Variants in MAGI2 observed in about 807,000 individuals in gnomAD.
MAGI2 encodes the protein membrane-associated guanylate kinase, WW and PDZ domain-containing protein 2.
A neutral mutation model predicts 133.3 loss-of-function variants in MAGI2; 35 were observed. The observed-to-expected ratio is 0.26, with a 90% confidence interval of 0.20 to 0.35. The LOEUF (loss-of-function observed/expected upper bound fraction) is 0.35, where lower values mean the gene tolerates loss of function less well. MAGI2 is among the 10% of genes least tolerant of loss of function. MAGI2 has a pLI of 1.00. For missense variants in MAGI2, 1,636 were observed against 1,863.4 expected (o/e 0.88, Z 2.25); for synonymous variants, 729 against 710.6 (o/e 1.03, Z -0.41).
intron 2 of MAGI2, among the ~76,000 whole-genome samples, chr7:78,868,371 A>C (rs1190113225): frequency 6.6e-6 from 1 of 152,232 alleles, no homozygotes; most frequent in East Asian, 1.9e-4. Context: ...GAGGGCAAGT[A>C]ATATCCCTAG....
intron 1 of MAGI2, among the ~76,000 whole-genome samples, chr7:79,329,400 A>C (rs1439104820): frequency 2.0e-5 from 3 of 152,274 alleles, no homozygotes; most frequent in Non-Finnish European, 2.9e-5. Context: ...ATAATTATTT[A>C]GCACATGACT....
chr7:78,728,432 G>C (rs1274644790), intron 2 of MAGI2, among the ~76,000 whole-genome samples: 1 of 151,666 alleles, frequency 6.6e-6, no homozygotes, highest in South Asian at 2.1e-4. Flanking sequence ...AATTCTAGCT[G>C]GGAATTCTAT....
chr7:78,701,509 A>AATTC (rs766732878), intron 2 of MAGI2, among the ~76,000 whole-genome samples: 4 of 151,990 alleles, frequency 2.6e-5, no homozygotes, highest in Non-Finnish European at 5.9e-5. Flanking sequence ...AGGGATACAT[A>AATTC]ATTCATGTTT....
intron 1 of MAGI2, among the ~76,000 whole-genome samples, chr7:79,229,875 T>C (rs1233563607): frequency 6.6e-6 from 1 of 151,506 alleles, no homozygotes; most frequent in African/African-American, 2.4e-5. Flanking sequence ...ACATGTGCCA[T>C]GCTGGTGCAG....
At chr7:79,052,506 G>C (rs1014750947) in intron 1 of MAGI2, among the ~76,000 whole-genome samples, 1 of 152,130 alleles carries the variant, frequency 6.6e-6, no homozygotes, top group Non-Finnish European at 1.5e-5. Flanking sequence ...AATGGCTCTG[G>C]GATGTTGGCA....
chr7:78,037,867 C>G (rs1294144100), intron 21 of MAGI2, among the ~76,000 whole-genome samples: 4 of 152,190 alleles, frequency 2.6e-5, no homozygotes, highest in African/African-American at 9.6e-5. Context: ...GTCCCCATTT[C>G]TTTCGTTCAG....
At chr7:78,056,557 T>G (rs1275225836) in intron 21 of MAGI2, among the ~76,000 whole-genome samples, 6 of 152,072 alleles carry the variant, frequency 3.9e-5, no homozygotes, top group African/African-American at 1.4e-4. Flanking sequence ...CTCAGCAAAC[T>G]GACACAGGTA....
chr7:78,126,818 C>T (rs1821034310), intron 19 of MAGI2, among the ~76,000 whole-genome samples: 1 of 152,206 alleles, frequency 6.6e-6, no homozygotes, highest in Non-Finnish European at 1.5e-5. Flanking sequence ...AATACCTCCA[C>T]TGCTAGCATC....
intron 2 of MAGI2, among the ~76,000 whole-genome samples, chr7:78,936,545 T>C (rs913865996): frequency 1.4e-4 from 22 of 152,056 alleles, no homozygotes; most frequent in African/African-American, 5.3e-4. Context: ...ATGCTTATGC[T>C]ATATATTTTG....
intron 1 of MAGI2, among the ~76,000 whole-genome samples, chr7:79,120,515 C>A (rs1318867080): frequency 6.6e-6 from 1 of 151,954 alleles, no homozygotes; most frequent in East Asian, 1.9e-4. Flanking sequence ...TAAACTAGTC[C>A]TTGTACTACA....
chr7:79,266,398 TTTGTTCCCAAA>T (rs1383098699), intron 1 of MAGI2, among the ~76,000 whole-genome samples: 3 of 152,046 alleles, frequency 2.0e-5, no homozygotes, highest in East Asian at 1.9e-4. Context: ...CACAGTGTCA[TTTGTTCCCAAA>T]TTACTTTATA....
chr7:78,515,654 A>C (rs549680314), intron 4 of MAGI2, among the ~76,000 whole-genome samples: 2 of 152,340 alleles, frequency 1.3e-5, no homozygotes, highest in East Asian at 3.9e-4. Context: ...GAATCCCAGC[A>C]CTTTGGGAGG....
chr7:78,750,973 C>T (rs1006411816), intron 2 of MAGI2, among the ~76,000 whole-genome samples: 1 of 151,912 alleles, frequency 6.6e-6, no homozygotes, highest in African/African-American at 2.4e-5. Context: ...GAGAGAAATC[C>T]TAAGAGTAAA....
At chr7:78,244,167 T>TAAAAA (rs535442682) in intron 10 of MAGI2, among the ~76,000 whole-genome samples, 1,088 of 68,814 alleles carry the variant, frequency 0.016, no homozygotes, top group Middle Eastern at 0.049. Flanking sequence ...CTATTTAAAT[T>TAAAAA]AAAAAAAAAA....
chr7:78,781,252 G>A (rs954557966), intron 2 of MAGI2, among the ~76,000 whole-genome samples: 1 of 151,812 alleles, frequency 6.6e-6, no homozygotes, highest in African/African-American at 2.4e-5. Flanking sequence ...GGTGGCGGGC[G>A]CCTGTAGTCC....
At chr7:78,572,927 C>T (rs993160530) in intron 3 of MAGI2, among the ~76,000 whole-genome samples, 38 of 149,212 alleles carry the variant, frequency 2.5e-4, no homozygotes, top group African/African-American at 8.1e-4. Flanking sequence ...CTCACGATTA[C>T]AGGCATGAGC....
intron 3 of MAGI2, among the ~76,000 whole-genome samples, chr7:78,602,754 C>T (rs914902817): frequency 1.3e-5 from 2 of 152,036 alleles, no homozygotes; most frequent in African/African-American, 4.8e-5. Flanking sequence ...GCTTTTAATG[C>T]TTATTATGAT....
At chr7:78,595,319 T>A (rs1804480889) in intron 3 of MAGI2, among the ~76,000 whole-genome samples, 2 of 152,232 alleles carry the variant, frequency 1.3e-5, no homozygotes, top group African/African-American at 4.8e-5. Context: ...TATTTAATTG[T>A]GCCTGAATTT....
chr7:79,286,255 T>C (rs1835990297), intron 1 of MAGI2, among the ~76,000 whole-genome samples: 2 of 152,092 alleles, frequency 1.3e-5, no homozygotes, highest in South Asian at 4.1e-4. Flanking sequence ...ATAAAGTCTT[T>C]AGTGTATGCC....
Sources: allele counts gnomAD v4.1 joint callset (sites outside exome capture counted in the v4.1 genomes callset), GRCh38; gene constraint gnomAD v4.1.1; transcripts MANE v1.5; gene names NCBI Gene and HGNC (gene_info 2026-07-23, HGNC 2026-07-21).